ATXN10: variants seen among roughly 807,000 people sequenced by gnomAD.
ATXN10 encodes ataxin 10.
A neutral mutation model predicts 52.9 loss-of-function variants in ATXN10; 28 were observed. The ratio of observed to expected loss-of-function variants is 0.53; its 90% CI spans 0.39 to 0.73. The LOEUF is 0.73. Among genes scored for constraint, ATXN10 ranks in the 30% least tolerant of loss-of-function variants. ATXN10 has a pLI of 0.00. For synonymous variants in ATXN10, 226 were observed against 221.5 expected (o/e 1.02, Z -0.18); for missense variants, 565 against 577.0 (o/e 0.98, Z 0.21).
chr22:45,729,330 T>C, intron 6 of ATXN10, 95 bp from the exon 7 acceptor site: 2 of 1,266,884 alleles, frequency 1.6e-6, no homozygotes, highest in South Asian at 2.5e-5. Context: ...GAATTTAAAA[T>C]AATAATATTC....
chr22:45,812,777 G>A (rs1002454949), intron 10 of ATXN10, among the ~76,000 whole-genome samples: 7 of 152,162 alleles, frequency 4.6e-5, no homozygotes, highest in African/African-American at 1.7e-4. Context: ...CAGGAGTGAG[G>A]CCTGGGATGC....
intron 10 of ATXN10, among the ~76,000 whole-genome samples, chr22:45,830,982 G>A (rs1004774097): frequency 1.3e-5 from 2 of 152,206 alleles, no homozygotes; most frequent in African/African-American, 4.8e-5. Flanking sequence ...CAAAGGATGA[G>A]TGGATAAACA....
chr22:45,773,984 G>C (rs1345215986), intron 9 of ATXN10, among the ~76,000 whole-genome samples: 1 of 152,170 alleles, frequency 6.6e-6, no homozygotes, highest in African/African-American at 2.4e-5. Context: ...GTCCTGTCTG[G>C]GTAGAGAGAA....
intron 5 of ATXN10, among the ~76,000 whole-genome samples, chr22:45,709,780 A>T (rs574763795): frequency 1.3e-5 from 2 of 152,212 alleles, no homozygotes; most frequent in Non-Finnish European, 1.5e-5. Flanking sequence ...TCTGAAATGT[A>T]TGAAGGCTGC....
chr22:45,827,676 C>T (rs1324458531), intron 10 of ATXN10, among the ~76,000 whole-genome samples: 1 of 152,098 alleles, frequency 6.6e-6, no homozygotes, highest in South Asian at 2.1e-4. Flanking sequence ...AATAGTTCTA[C>T]AGTAATAGTT....
At chr22:45,798,709 T>C (rs1927831978) in intron 9 of ATXN10, among the ~76,000 whole-genome samples, 1 of 152,126 alleles carries the variant, frequency 6.6e-6, no homozygotes, top group Non-Finnish European at 1.5e-5. Context: ...TGCATGCAGG[T>C]TGGAAAGAAG....
Position 45,757,120 on chromosome 22 carries a change from C to CCTGGGG in ATXN10, c.1173+16592_1173+16597dup, listed in dbSNP as rs1182923433. 2.6e-5 allele frequency among the ~76,000 whole-genome samples: 4 copies of CCTGGGG among 152,218 alleles called. No homozygotes were observed. The highest frequency in any genetic ancestry group is 4.1e-4 in the South Asian group (2 of 4,824). On this transcript the variant is annotated intron_variant, in intron 9 of 11. Coordinates refer to ENST00000252934, the MANE Select transcript of ATXN10 (RefSeq NM_013236.4). This position sits in a 1 kb window ranked among gnomAD's most constrained non-coding sequence, Gnocchi z 4.6. ...TGCACCTGCAGCTCTGGACGGACTGCCTGGGGCTGGGGCTGTGGAGGCGGA... is the reference window on the plus strand; with the variant it reads ...TGCACCTGCAGCTCTGGACGGACTGCCTGGGGCTGGGGCTGGGGCTGTGGAGGCGGA...
intron 9 of ATXN10, among the ~76,000 whole-genome samples, chr22:45,749,754 C>G (rs1287820154): frequency 6.6e-6 from 1 of 151,926 alleles, no homozygotes; most frequent in Non-Finnish European, 1.5e-5. Context: ...GGTAGAAAAA[C>G]AGGGTCTTAC....
Position 45,783,045 on chromosome 22 carries a change from A to T in ATXN10, c.1174-23914A>T, listed in dbSNP as rs1417474990. On this transcript the variant is annotated intron_variant, in intron 9 of 11. Coordinates refer to ENST00000252934, the MANE Select transcript of ATXN10 (RefSeq NM_013236.4). The surrounding 1 kb of genome is among the most constrained non-coding windows in gnomAD (Gnocchi z 5.0). ...ATTGATCTTAGCAACCTCAGCATACAGTTTTTTTCTTAAGTCTAGAACTCT... is the reference window on the plus strand; with the variant it reads ...ATTGATCTTAGCAACCTCAGCATACTGTTTTTTTCTTAAGTCTAGAACTCT... Among the ~76,000 whole-genome samples the T allele has an allele frequency of 6.6e-6, 1 of 152,252 alleles. No homozygotes were observed.
In ATXN10 at chr22:45,690,083, G is replaced by T. The variant is rs1427764639; in HGVS notation, c.308+180G>T. Among the ~76,000 whole-genome samples the T allele has an allele frequency of 6.6e-6, 1 of 152,000 alleles. No homozygotes were observed. The highest frequency in any genetic ancestry group is 1.5e-5 in the Non-Finnish European group (1 of 68,004). ...AGTCCAGGAGTTCAAGACCGGCCTGGGCAACATGGTGAGACCCTGTCTCTA... is the reference window on the plus strand; with the variant it reads ...AGTCCAGGAGTTCAAGACCGGCCTGTGCAACATGGTGAGACCCTGTCTCTA... On this transcript the variant is annotated intron_variant, in intron 2 of 11. Coordinates refer to ENST00000252934, the MANE Select transcript of ATXN10 (RefSeq NM_013236.4). The surrounding 1 kb of genome is among the most constrained non-coding windows in gnomAD (Gnocchi z 4.5).
At chr22:45,761,823 A>AT (rs1259897010) in intron 9 of ATXN10, among the ~76,000 whole-genome samples, 6 of 152,186 alleles carry the variant, frequency 3.9e-5, no homozygotes, top group East Asian at 1.9e-4. Context: ...ATTGTGTTAG[A>AT]TTTTTTAAAA....
chr22:45,767,736 CTATG>C (rs1238719163), intron 9 of ATXN10, among the ~76,000 whole-genome samples: 1 of 152,114 alleles, frequency 6.6e-6, no homozygotes, highest in Admixed American at 6.5e-5. Context: ...AGGAAGGAAT[CTATG>C]TATATCTCAC....
At chr22:45,692,884 G>A in intron 2 of ATXN10, 112 bp from the exon 3 acceptor site, 2 of 849,922 alleles carry the variant, frequency 2.4e-6, no homozygotes, top group South Asian at 2.9e-5. Flanking sequence ...AATAATTTAG[G>A]CTTTGTAATC....
rs1555890578 is a variant in ATXN10, at chr22:45,727,331, A to ATATCTATCTACCTATCTATCTATC, written c.729-2084_729-2083insCCTATCTATCTATCTATCTATCTA. On this transcript the variant is annotated intron_variant, in intron 6 of 11. Transcript: ENST00000252934. This position sits in a 1 kb window ranked among gnomAD's most constrained non-coding sequence, Gnocchi z 4.6. Reference sequence around the variant, plus strand: ...GTTCTGTCTGTCTGTCTATCTATCTATATCTATCTATCTATCTATCTATCT... The same window carrying ATATCTATCTACCTATCTATCTATC: ...GTTCTGTCTGTCTGTCTATCTATCTATATCTATCTACCTATCTATCTATCTATCTATCTATCTATCTATCTATCT... 6.8e-6 allele frequency among the ~76,000 whole-genome samples: 1 copy of ATATCTATCTACCTATCTATCTATC among 146,678 alleles called. No homozygotes were observed. The highest frequency in any genetic ancestry group is 2.6e-5 in the African/African-American group (1 of 39,208).
intron 5 of ATXN10, among the ~76,000 whole-genome samples, chr22:45,709,656 C>G (rs1298183765): frequency 6.6e-6 from 1 of 152,198 alleles, no homozygotes; most frequent in Non-Finnish European, 1.5e-5. Flanking sequence ...CATACCACAG[C>G]TTTAAATACC....
chr22:45,752,844 C>T (rs960810353), intron 9 of ATXN10, among the ~76,000 whole-genome samples: 5 of 151,898 alleles, frequency 3.3e-5, no homozygotes, highest in African/African-American at 1.2e-4. Context: ...AGTGATTCTC[C>T]TGCGTCAGCC....
chr22:45,739,345 A>G (rs571806354), intron 8 of ATXN10, among the ~76,000 whole-genome samples: 5 of 152,240 alleles, frequency 3.3e-5, no homozygotes, highest in Non-Finnish European at 5.9e-5. Context: ...AGCTGTTTGC[A>G]AAATAATTCA....
chr22:45,829,984 A>G (rs1439308161), intron 10 of ATXN10, among the ~76,000 whole-genome samples: 3 of 152,248 alleles, frequency 2.0e-5, no homozygotes, highest in Admixed American at 1.3e-4. Flanking sequence ...TAAAGCTACA[A>G]TAATCAAAAC....
chr22:45,783,091 G>A lies in ATXN10; in HGVS notation c.1174-23868G>A, dbSNP rs1057225196. Among the ~76,000 whole-genome samples, 20 of 152,192 alleles carry A rather than the reference G, an allele frequency of 1.3e-4. No individual in the cohort carries two copies. Among genetic ancestry groups the A allele is most frequent in the African/African-American group, 4.8e-4 (20 of 41,444 alleles). On this transcript the variant is annotated intron_variant, in intron 9 of 11. Transcript: ENST00000252934. This position sits in a 1 kb window ranked among gnomAD's most constrained non-coding sequence, Gnocchi z 5.0. Reference sequence around the variant, plus strand: ...ACTCTGACCTTTTCACTTAAAGGAAGCACTTTATGGCTTCTCTTTGGCATA... The same window carrying A: ...ACTCTGACCTTTTCACTTAAAGGAAACACTTTATGGCTTCTCTTTGGCATA...
Sources: gnomAD v4.1 joint callset for allele counts (sites outside exome capture counted in the v4.1 genomes callset) on GRCh38, gnomAD v4.1.1 for gene constraint, Gnocchi (gnomAD v3.1) non-coding constraint, MANE v1.5 for transcripts, NCBI Gene and HGNC (gene_info 2026-07-23, HGNC 2026-07-21) for gene names.